KLF8: variants seen among roughly 807,000 people sequenced by gnomAD.
The protein encoded by KLF8 is KLF transcription factor 8.
KLF8 carries 10 observed loss-of-function variants against 18.2 expected under a neutral mutation model. The observed-to-expected ratio is 0.55, with a 90% CI of 0.34 to 0.93. The LOEUF is 0.93. Among genes scored for constraint, KLF8 ranks in the 40% least tolerant of loss-of-function variants. KLF8 has a pLI of 0.02. For missense variants in KLF8, 264 were observed against 277.9 expected (o/e 0.95, Z 0.36); for synonymous variants, 109 against 97.3 (o/e 1.12, Z -0.71).
the KLF8 span, among the ~76,000 whole-genome samples, chrX:56,189,976 T>A: frequency 1.9e-5 from 2 of 107,933 alleles, no homozygotes; most frequent in East Asian, 5.9e-4. Context: ...CATATGTAAC[T>A]AACCTGCACA....
the KLF8 span, among the ~76,000 whole-genome samples, chrX:56,035,888 ATAAT>A: frequency 8.9e-6 from 1 of 111,790 alleles, no homozygotes; most frequent in Non-Finnish European, 1.9e-5. Context: ...TGTCAGATAA[ATAAT>A]TTGCAAATAT....
the KLF8 span, among the ~76,000 whole-genome samples, chrX:56,098,795 G>T: frequency 7.2e-5 from 8 of 111,440 alleles, no homozygotes; most frequent in Non-Finnish European, 1.9e-5. Context: ...CATTAAAATT[G>T]TCTCTCTTGC....
chrX:55,937,444 A>G, the KLF8 span, among the ~76,000 whole-genome samples: 2 of 112,260 alleles, frequency 1.8e-5, no homozygotes, highest in Non-Finnish European at 3.8e-5. Context: ...CAGAAAAACC[A>G]GAAACTCTAA....
At chrX:55,918,309 T>C in the KLF8 span, among the ~76,000 whole-genome samples, 5 of 111,901 alleles carry the variant, frequency 4.5e-5, no homozygotes, top group African/African-American at 1.6e-4. Flanking sequence ...CTTGAGACTT[T>C]CTGGCAGATT....
the KLF8 span, among the ~76,000 whole-genome samples, chrX:56,127,765 C>T: frequency 9.0e-6 from 1 of 111,684 alleles, no homozygotes; most frequent in Non-Finnish European, 1.9e-5. Context: ...TTAAAATGTA[C>T]AATTTATTTC....
the KLF8 span, among the ~76,000 whole-genome samples, chrX:56,115,128 T>A: frequency 1.4e-4 from 16 of 110,989 alleles, no homozygotes; most frequent in Non-Finnish European, 2.8e-4. Context: ...TTATTTATTT[T>A]TTTGGCCAGG....
At chrX:56,040,339 C>A in the KLF8 span, among the ~76,000 whole-genome samples, 1 of 111,865 alleles carries the variant, frequency 8.9e-6, no homozygotes, top group Non-Finnish European at 1.9e-5. Context: ...TTTTCCCATT[C>A]AGTATGATAT....
At chrX:56,260,234 A>G (rs2066865204) in intron 2 of KLF8, among the ~76,000 whole-genome samples, 1 of 111,520 alleles carries the variant, frequency 9.0e-6, no homozygotes, top group Non-Finnish European at 1.9e-5. Context: ...TTACATCTGC[A>G]AAGATACTTT....
the KLF8 span, among the ~76,000 whole-genome samples, chrX:56,161,595 T>A: frequency 8.9e-6 from 1 of 112,292 alleles, no homozygotes; most frequent in East Asian, 2.8e-4. Context: ...CACGTACTTC[T>A]TATGCCTTGG....
chrX:56,206,446 A>G, the KLF8 span, among the ~76,000 whole-genome samples: 3 of 112,211 alleles, frequency 2.7e-5, no homozygotes, highest in Non-Finnish European at 5.6e-5. Context: ...TGGATAAATA[A>G]ACCTATTCAA....
chrX:56,003,820 T>A, the KLF8 span, among the ~76,000 whole-genome samples: 25 of 112,446 alleles, frequency 2.2e-4, no homozygotes, highest in Non-Finnish European at 4.5e-4. Context: ...CTACTTCTTC[T>A]TAAAATCTGT....
At chrX:55,923,110 A>G in the KLF8 span, among the ~76,000 whole-genome samples, 1 of 111,626 alleles carries the variant, frequency 9.0e-6, no homozygotes, top group African/African-American at 3.3e-5. Flanking sequence ...GATAAAGAAA[A>G]TGTGGTACAT....
At chrX:56,056,310 G>A in the KLF8 span, among the ~76,000 whole-genome samples, 3 of 110,381 alleles carry the variant, frequency 2.7e-5, no homozygotes, top group Non-Finnish European at 5.7e-5. Context: ...AAGCCAACTG[G>A]CTTCATTTCT....
chrX:56,088,142 A>C, the KLF8 span, among the ~76,000 whole-genome samples: 1 of 111,507 alleles, frequency 9.0e-6, no homozygotes, highest in East Asian at 2.8e-4. Flanking sequence ...TATAGTCCAA[A>C]TAGAAGAAAC....
the KLF8 span, among the ~76,000 whole-genome samples, chrX:56,015,977 G>A: frequency 8.9e-6 from 1 of 112,302 alleles, no homozygotes; most frequent in South Asian, 3.7e-4. Context: ...GTGTATGTGT[G>A]TACATATGTG....
chrX:55,950,887 C>T, the KLF8 span, among the ~76,000 whole-genome samples: 1 of 112,017 alleles, frequency 8.9e-6, no homozygotes, highest in East Asian at 2.8e-4. Context: ...TTAATACTTA[C>T]TGAGCTGAAT....
chrX:56,129,030 G>T, the KLF8 span, among the ~76,000 whole-genome samples: 1 of 112,215 alleles, frequency 8.9e-6, no homozygotes, highest in African/African-American at 3.2e-5. Flanking sequence ...ACACTTTGGG[G>T]TGGGGTAAAT....
chrX:56,067,908 C>T, the KLF8 span, among the ~76,000 whole-genome samples: 1 of 112,546 alleles, frequency 8.9e-6, no homozygotes, highest in Non-Finnish European at 1.9e-5. Context: ...AGTAAGATTG[C>T]TTTACTTCCC....
chrX:56,248,393 T>A (rs747394184), intron 1 of KLF8, among the ~76,000 whole-genome samples: 3 of 111,897 alleles, frequency 2.7e-5, no homozygotes, highest in Admixed American at 9.5e-5. Flanking sequence ...CATGGAATGT[T>A]CACATTAACT....
Sources: allele counts gnomAD v4.1 joint callset (sites outside exome capture counted in the v4.1 genomes callset), GRCh38; gene constraint gnomAD v4.1.1; transcripts MANE v1.5; gene names NCBI Gene and HGNC (gene_info 2026-07-23, HGNC 2026-07-21).